TLE2: variants seen among roughly 807,000 people sequenced by gnomAD.
TLE2 encodes transducin-like enhancer protein 2.
Under a neutral mutation model 97.2 loss-of-function variants are expected in TLE2, and 74 were observed. The observed-to-expected ratio is 0.76, with a 90% CI of 0.63 to 0.92. TLE2 has a LOEUF of 0.92. TLE2 is among the 40% of genes least tolerant of loss of function. TLE2 has a pLI of 0.00. For missense variants in TLE2, 1,038 were observed against 1,008.7 expected (o/e 1.03, Z -0.39); for synonymous variants, 499 against 432.1 (o/e 1.15, Z -1.92).
At chr19:3,020,139 G>GT in intron 5 of TLE2, 1 of 224,108 alleles carries the variant, frequency 4.5e-6, no homozygotes, top group South Asian at 7.6e-5. Flanking sequence ...AGGAGGCTGA[G>GT]GCAGGAGAAT....
intron 18 of TLE2, 43 bp from the exon 19 acceptor site, chr19:3,000,766 C>G (rs780941235): frequency 5.3e-6 from 8 of 1,501,100 alleles, no homozygotes; most frequent in Non-Finnish European, 7.3e-6. Flanking sequence ...GGGGCACTAA[C>G]GAGAGACCCG....
At chr19:3,041,551 C>T (rs528953121) in intron 1 of TLE2, among the ~76,000 whole-genome samples, 12 of 152,216 alleles carry the variant, frequency 7.9e-5, no homozygotes, top group African/African-American at 2.6e-4. Flanking sequence ...AGAGAGGCCT[C>T]CCCTCCTCTC....
At chr19:3,018,207 C>G (rs961804540) in intron 7 of TLE2, among the ~76,000 whole-genome samples, 71 of 152,184 alleles carry the variant, frequency 4.7e-4, no homozygotes, top group Admixed American at 4.6e-3. Context: ...TCACAGTTCA[C>G]TGCAGCCTCG....
At chr19:3,022,670 T>C (rs1202987483) in intron 5 of TLE2, among the ~76,000 whole-genome samples, 1 of 152,172 alleles carries the variant, frequency 6.6e-6, no homozygotes, top group Non-Finnish European at 1.5e-5. Flanking sequence ...GTATGCACTC[T>C]GAGGCTGCTT....
chr19:3,029,386 C>G, upstream of TLE2, among the ~76,000 whole-genome samples: 1 of 147,248 alleles, frequency 6.8e-6, no homozygotes, highest in Non-Finnish European at 1.5e-5. Flanking sequence ...CGCCCGCGCC[C>G]CCCCCGGCCC....
chr19:3,046,151 T>C (rs1034188800), upstream of TLE2, among the ~76,000 whole-genome samples: 5 of 152,228 alleles, frequency 3.3e-5, no homozygotes, highest in African/African-American at 1.2e-4. Context: ...GACTTATTCC[T>C]GCCCTTGAGC....
chr19:3,023,041 G>A (rs976107403), intron 5 of TLE2, among the ~76,000 whole-genome samples: 9 of 150,536 alleles, frequency 6.0e-5, no homozygotes, highest in Non-Finnish European at 1.2e-4. Context: ...CCTTTCAACA[G>A]TCATTTTACC....
intron 19 of TLE2, among the ~76,000 whole-genome samples, chr19:2,998,237 A>ATGGGTGTGTGTG (rs2089262907): frequency 8.2e-6 from 1 of 121,406 alleles, no homozygotes; most frequent in African/African-American, 3.5e-5. Flanking sequence ...CGCCCGGCCA[A>ATGGGTGTGTGTG]TGTGTGTGTG....
intron 18 of TLE2, 73 bp from the exon 19 acceptor site, chr19:3,000,796 G>A: frequency 1.7e-6 from 2 of 1,205,094 alleles, no homozygotes; most frequent in African/African-American, 1.5e-5. Context: ...GGGAGGTCGG[G>A]GAAGCTGGGT....
At position 3,002,398 on chromosome 19, in the gene TLE2, G is replaced by A. The variant is rs1270642055; in HGVS notation, c.2002C>T (p.His668Tyr). 6.2e-7 allele frequency: 1 copy of A among 1,613,780 alleles called. No homozygotes were observed. The highest frequency in any genetic ancestry group is 8.5e-7 in the Non-Finnish European group (1 of 1,179,852). ...HVRKPEKYQL[H>Y]LHESCVLSLK... is the part of the protein sequence containing the mutation. ...GACAGCACGCAGCTCTCGTGGAGGTGCAGCTGGTATTTCTCCGGCTTGCGG... is the reference window on the plus strand; with the variant it reads ...GACAGCACGCAGCTCTCGTGGAGGTACAGCTGGTATTTCTCCGGCTTGCGG... Residue 668 changes from histidine (H) to tyrosine (Y), a missense_variant, in exon 18 of 20, where the codon CAC becomes TAC. Coordinates refer to ENST00000262953, the MANE Select transcript of TLE2 (RefSeq NM_003260.5).
chr19:3,013,376 A>G (rs3760961), intron 11 of TLE2, among the ~76,000 whole-genome samples: 32,570 of 151,774 alleles, frequency 0.21, 4,459 homozygotes, highest in East Asian at 0.42. Flanking sequence ...GTTTATTTCC[A>G]TGGGATTTCC....
intron 1 of TLE2, among the ~76,000 whole-genome samples, chr19:3,044,678 C>T (rs1210523752): frequency 6.6e-6 from 1 of 152,198 alleles, no homozygotes; most frequent in Non-Finnish European, 1.5e-5. Context: ...CCTCGGCCTC[C>T]CGAAGCGCTG....
chr19:3,027,745 C>T, intron 4 of TLE2, 84 bp downstream of exon 4: 1 of 1,411,874 alleles, frequency 7.1e-7, no homozygotes, highest in Non-Finnish European at 9.8e-7. Context: ...TCTGCTCTGG[C>T]CCCGGCTGCC....
Position 3,002,399 on chromosome 19 carries a change from C to T in TLE2, c.2001G>A (p.Leu667=). 6.2e-7 allele frequency: 1 copy of T among 1,613,776 alleles called. No individual in the cohort carries two copies. The highest frequency in any genetic ancestry group is 8.5e-7 in the Non-Finnish European group (1 of 1,179,858). The stretch of plus-strand genomic sequence containing the variant: ...ACAGCACGCAGCTCTCGTGGAGGTG[C>T]AGCTGGTATTTCTCCGGCTTGCGGA... The part of the protein sequence containing the change: ...LHVRKPEKYQ[L]HLHESCVLSL... The change falls in exon 18 of 20, where the codon CTG becomes CTA. Residue 667 remains leucine, a synonymous_variant. Transcript: ENST00000262953.
intron 7 of TLE2, among the ~76,000 whole-genome samples, chr19:3,018,809 G>A (rs1434500097): frequency 6.6e-6 from 1 of 151,318 alleles, no homozygotes; most frequent in Non-Finnish European, 1.5e-5. Flanking sequence ...GTAGAGATGG[G>A]GTTTTCCCAT....
chr19:3,043,247 C>G (rs2090117462), intron 1 of TLE2, among the ~76,000 whole-genome samples: 1 of 152,038 alleles, frequency 6.6e-6, no homozygotes, highest in East Asian at 1.9e-4. Flanking sequence ...TCCCAAGTAG[C>G]TGAGACCACA....
At chr19:3,013,918 G>C in intron 10 of TLE2, 100 bp from the exon 11 acceptor site, 1 of 1,197,316 alleles carries the variant, frequency 8.4e-7, no homozygotes, top group Non-Finnish European at 1.1e-6. Context: ...CTCTAGAATG[G>C]GTACCCATGA....
chr19:3,035,828 C>T (rs554019490), intron 1 of TLE2, among the ~76,000 whole-genome samples: 1 of 152,182 alleles, frequency 6.6e-6, no homozygotes, highest in Admixed American at 6.5e-5. Context: ...GTGTGGCCCC[C>T]CTCCCTAGGA....
Position 3,019,708 on chromosome 19 carries a change from G to T in TLE2, c.360C>A (p.Ser120Arg). 1 of 1,611,082 alleles carries T rather than the reference G, an allele frequency of 6.2e-7. No individual in the cohort carries two copies. Among genetic ancestry groups the T allele is most frequent in the Non-Finnish European group, 8.5e-7 (1 of 1,178,826 alleles). Residue 120 changes from serine (S) to arginine (R), a missense_variant, in exon 6 of 20, where the codon AGC becomes AGA. By Grantham distance (110) the Ser-to-Arg change is moderately radical. Coordinates refer to ENST00000262953, the MANE Select transcript of TLE2 (RefSeq NM_003260.5). This position sits in a 1 kb window ranked among gnomAD's most constrained non-coding sequence, Gnocchi z 5.1. ...AKQVTVGELN[S>R]LIGQQLQPLS... ...GGCTAGAGAGACTCACCCCGATGAG[G>T]CTGTTCAGCTCCCCCACGGTGACCT...
Sources: gnomAD v4.1 joint callset for allele counts (sites outside exome capture counted in the v4.1 genomes callset) on GRCh38, gnomAD v4.1.1 for gene constraint, Gnocchi (gnomAD v3.1) non-coding constraint, MANE v1.5 for transcripts, NCBI Gene and HGNC (gene_info 2026-07-23, HGNC 2026-07-21) for gene names.